The following COMMD1 variants were observed in gnomAD, a reference collection of about 807,000 sequenced individuals.
The protein encoded by COMMD1 is COMM domain-containing protein 1.
COMMD1 carries 10 observed loss-of-function variants against 17.2 expected under a neutral mutation model. That is an observed-to-expected ratio of 0.58 (90% CI 0.36 to 0.99). The LOEUF (loss-of-function observed/expected upper bound fraction) is 0.99, where lower values mean the gene tolerates loss of function less well. Ranked by LOEUF, COMMD1 falls within the 50% of genes least tolerant of loss-of-function variation. The pLI is 0.01. For missense variants in COMMD1, 270 were observed against 231.8 expected (o/e 1.17, Z -1.07); for synonymous variants, 97 against 91.6 (o/e 1.06, Z -0.34).
chr2:61,888,777 G>T (rs937563521), exon 1 of COMMD1: 5 of 505,486 alleles, frequency 9.9e-6, no homozygotes, highest in Non-Finnish European at 1.7e-5. Flanking sequence ...GGCGCTGTGG[G>T]TGAAGAGCGC....
upstream of COMMD1, among the ~76,000 whole-genome samples, chr2:61,901,434 C>T (rs1669654318): frequency 6.6e-6 from 1 of 151,716 alleles, no homozygotes; most frequent in African/African-American, 2.4e-5. Flanking sequence ...ACCAGCCTGG[C>T]CAAGATGGTG....
chr2:62,076,922 A>T (rs1280042049), intron 2 of COMMD1, among the ~76,000 whole-genome samples: 1 of 152,106 alleles, frequency 6.6e-6, no homozygotes, highest in Non-Finnish European at 1.5e-5. Context: ...ATTTGAGCCC[A>T]AGAGTTTGAG....
chr2:62,034,035 AG>A (rs1350275157), intron 2 of COMMD1, among the ~76,000 whole-genome samples: 2 of 143,976 alleles, frequency 1.4e-5, no homozygotes, highest in Non-Finnish European at 3.0e-5. Context: ...GCTGGAGCCT[AG>A]GAAGTCAAGG....
At chr2:62,120,875 A>G (rs72893808) in intron 2 of COMMD1, among the ~76,000 whole-genome samples, 1,659 of 152,186 alleles carry the variant, frequency 0.011, 34 homozygotes, top group African/African-American at 0.037. Context: ...GGCATGTGCC[A>G]CCATATCCAG....
chr2:62,004,928 C>G lies in COMMD1; in HGVS notation c.462+3946C>G, dbSNP rs139766217. On this transcript the variant is annotated intron_variant, in intron 2 of 2. Coordinates refer to ENST00000311832, the MANE Select transcript of COMMD1 (RefSeq NM_152516.4). Reference sequence around the variant, plus strand: ...AGAAGTTGCTTCCAAGAAGGGTGACCAGGTTTTTGTTGAACTCTGGTGTGT... The same window carrying G: ...AGAAGTTGCTTCCAAGAAGGGTGACGAGGTTTTTGTTGAACTCTGGTGTGT... Among the ~76,000 whole-genome samples, 726 of 152,236 alleles carry G rather than the reference C, an allele frequency of 4.8e-3. 7 individuals carry two copies. Among genetic ancestry groups the G allele is most frequent in the African/African-American group, 0.016 (647 of 41,542 alleles).
rs1423583708 is a variant in COMMD1, at chr2:61,951,446, C to T, written c.180+45588C>T. On this transcript the variant is annotated intron_variant, in intron 1 of 2. Coordinates refer to ENST00000311832, the MANE Select transcript of COMMD1 (RefSeq NM_152516.4). ...CAGCACTCCAGCCTCGGTAACAGAA[C>T]GAGACTCTGTCTCAAAAAAAAAAAA... Among the ~76,000 whole-genome samples, 4 of 147,544 alleles carry T rather than the reference C, an allele frequency of 2.7e-5. No individual in the cohort carries two copies. The South Asian group carries it at 6.4e-4, about 23-fold the overall frequency.
chr2:61,924,550 T>G (rs1572967029), intron 1 of COMMD1, among the ~76,000 whole-genome samples: 1 of 151,650 alleles, frequency 6.6e-6, no homozygotes, highest in Non-Finnish European at 1.5e-5. Context: ...AAGCAGGAGG[T>G]GAGTCTGGTT....
chr2:62,007,946 T>A lies in COMMD1; in HGVS notation c.462+6964T>A, dbSNP rs116288221. 8.0e-3 allele frequency among the ~76,000 whole-genome samples: 1,209 copies of A among 151,988 alleles called. 18 individuals are homozygous for A. The highest frequency in any genetic ancestry group is 0.028 in the African/African-American group (1,143 of 41,430). ...CCTGTAATACCAGCACTTTGAGAGG[T>A]TGAGGGAGGCAGATTACTTGAGCCC... On this transcript the variant is annotated intron_variant, in intron 2 of 2. Coordinates refer to ENST00000311832, the MANE Select transcript of COMMD1 (RefSeq NM_152516.4).
intron 1 of COMMD1, among the ~76,000 whole-genome samples, chr2:61,948,548 TTCACTCTAAAAATTTAGTCTTTAG>T (rs1455824851): frequency 1.3e-5 from 2 of 152,208 alleles, no homozygotes; most frequent in Non-Finnish European, 2.9e-5. Flanking sequence ...TATTATGACT[TTCACTCTAAAAATTTAGTCTTTAG>T]TCAGGCATAA....
At chr2:61,894,388 C>T (rs1164565346) in intron 1 of COMMD1, among the ~76,000 whole-genome samples, 1 of 151,804 alleles carries the variant, frequency 6.6e-6, no homozygotes, top group Middle Eastern at 3.2e-3. Context: ...AGGCGTGAGT[C>T]ACCATTCCCA....
In COMMD1 at chr2:62,078,052, G is replaced by A. The variant is rs111437338; in HGVS notation, c.463-57779G>A. ...GAACTTTGGGAGGCCGAAGCAGGCG[G>A]ATCACGAGGTCAGGAGATCGAGACT... On this transcript the variant is annotated intron_variant, in intron 2 of 2. Transcript: ENST00000311832. Among the ~76,000 whole-genome samples the A allele has an allele frequency of 7.3e-3, 1,111 of 152,016 alleles. 16 individuals are homozygous for A. The highest frequency in any genetic ancestry group is 0.025 in the African/African-American group (1,025 of 41,424).
At chr2:62,013,269 AATAC>A (rs1669337546) in intron 2 of COMMD1, among the ~76,000 whole-genome samples, 1 of 152,004 alleles carries the variant, frequency 6.6e-6, no homozygotes, top group African/African-American at 2.4e-5. Context: ...GGAAAAAAAA[AATAC>A]AAAACAACAA....
intron 1 of COMMD1, among the ~76,000 whole-genome samples, chr2:61,926,622 A>G (rs1008437989): frequency 6.0e-4 from 91 of 152,092 alleles, no homozygotes; most frequent in African/African-American, 1.9e-3. Flanking sequence ...CTCTCTTTTC[A>G]TGTTTACTTT....
chr2:62,018,985 G>T (rs1479753169), intron 2 of COMMD1, among the ~76,000 whole-genome samples: 1 of 150,110 alleles, frequency 6.7e-6, no homozygotes, highest in Non-Finnish European at 1.5e-5. Context: ...TAGAAGAATA[G>T]AAGAGAGCAA....
At chr2:61,935,019 G>A (rs1572977884) in intron 1 of COMMD1, among the ~76,000 whole-genome samples, 1 of 152,216 alleles carries the variant, frequency 6.6e-6, no homozygotes, top group Admixed American at 6.5e-5. Flanking sequence ...AGATGTGGGT[G>A]TTCAGTGAAC....
intron 2 of COMMD1, among the ~76,000 whole-genome samples, chr2:62,104,656 A>AATAACAACAAC (rs1236451353): frequency 1.1e-4 from 15 of 139,766 alleles, no homozygotes; most frequent in Non-Finnish European, 2.0e-4. Flanking sequence ...AAAAAAAAAC[A>AATAACAACAAC]ATAACAACAA....
intron 2 of COMMD1, among the ~76,000 whole-genome samples, chr2:62,041,650 A>G (rs775833284): frequency 9.9e-5 from 15 of 152,176 alleles, no homozygotes; most frequent in Non-Finnish European, 1.9e-4. Flanking sequence ...CTGTCCTCCC[A>G]AAGTGCTAGT....
At chr2:61,981,591 A>G (rs1178569654) in intron 1 of COMMD1, among the ~76,000 whole-genome samples, 6 of 152,180 alleles carry the variant, frequency 3.9e-5, no homozygotes, top group Non-Finnish European at 5.9e-5. Context: ...GAGACTGGAA[A>G]GAGAAAGAGG....
chr2:61,907,404 C>CA (rs1355676371), intron 1 of COMMD1, among the ~76,000 whole-genome samples: 2 of 152,202 alleles, frequency 1.3e-5, no homozygotes, highest in Non-Finnish European at 2.9e-5. Flanking sequence ...CCGGCCCGGC[C>CA]AAATGCTTCC....
Sources: gnomAD v4.1 joint callset for allele counts (sites outside exome capture counted in the v4.1 genomes callset) on GRCh38, gnomAD v4.1.1 for gene constraint, MANE v1.5 for transcripts, NCBI Gene and HGNC (gene_info 2026-07-23, HGNC 2026-07-21) for gene names.